SIL1: variants seen among roughly 807,000 people sequenced by gnomAD.
SIL1 encodes the protein nucleotide exchange factor SIL1.
A neutral mutation model predicts 49.1 loss-of-function variants in SIL1; 40 were observed. The observed-to-expected ratio is 0.81, with a 90% confidence interval of 0.63 to 1.06. The LOEUF (loss-of-function observed/expected upper bound fraction) is 1.06, where lower values mean the gene tolerates loss of function less well. SIL1 is among the 50% of genes least tolerant of loss of function. The pLI, the probability that SIL1 is intolerant of heterozygous loss-of-function variation, is 0.00. For missense variants in SIL1, 500 were observed against 572.6 expected (o/e 0.87, Z 1.29); for synonymous variants, 253 against 250.8 (o/e 1.01, Z -0.08).
At chr5:139,104,486 C>A (rs2151784323) in intron 3 of SIL1, among the ~76,000 whole-genome samples, 1 of 152,306 alleles carries the variant, frequency 6.6e-6, no homozygotes. Flanking sequence ...CAAAGTTTAA[C>A]CAAAGTCTTC....
intron 1 of SIL1, among the ~76,000 whole-genome samples, chr5:139,152,749 G>A (rs1189827384): frequency 1.3e-5 from 2 of 151,964 alleles, no homozygotes; most frequent in Non-Finnish European, 2.9e-5. Flanking sequence ...TCAGAATAAA[G>A]GCCAAATTCC....
At chr5:139,029,196 T>C (rs1673463663) in intron 5 of SIL1, among the ~76,000 whole-genome samples, 1 of 152,206 alleles carries the variant, frequency 6.6e-6, no homozygotes, top group South Asian at 2.1e-4. Context: ...GTGGTAACTT[T>C]GGCAATGAAA....
rs1055243972 is a variant in SIL1, at chr5:139,131,547, A to C, written c.-10-3694T>G. The C allele has an allele frequency of 7.9e-5, 12 of 152,218 alleles. 1 individual carries two copies. The highest frequency in any genetic ancestry group is 2.4e-4 in the African/African-American group (10 of 41,446). The allele number at this position is 152,218 out of a possible 1,614,324, so 9.4% of individuals were successfully genotyped here. ...TGGAAAAGCAAAGGCTCGGGTACTA[A>C]AAATAGCTGCTACACTCACCCAGCA... On this transcript the variant is annotated intron_variant, in intron 1 of 9. Transcript: ENST00000394817.
At chr5:139,191,003 G>A (rs536352783) in intron 1 of SIL1, among the ~76,000 whole-genome samples, 8 of 151,930 alleles carry the variant, frequency 5.3e-5, no homozygotes, top group Admixed American at 1.3e-4. Context: ...AGACCGGGGT[G>A]AGCAGATTAC....
intron 1 of SIL1, among the ~76,000 whole-genome samples, chr5:139,139,875 T>A (rs759266647): frequency 4.6e-5 from 7 of 152,072 alleles, no homozygotes; most frequent in Admixed American, 1.3e-4. Context: ...ACACCTGTAA[T>A]CCCAAAACTT....
At chr5:138,959,169 T>C (rs940108463) in intron 7 of SIL1, among the ~76,000 whole-genome samples, 2 of 152,210 alleles carry the variant, frequency 1.3e-5, no homozygotes, top group African/African-American at 2.4e-5. Flanking sequence ...CAAGGAACAA[T>C]TGGAGCCCTT....
At chr5:139,150,887 C>T (rs1315936418) in intron 1 of SIL1, among the ~76,000 whole-genome samples, 1 of 152,116 alleles carries the variant, frequency 6.6e-6, no homozygotes, top group African/African-American at 2.4e-5. Context: ...CTCCCCACAG[C>T]CCCACCACTC....
chr5:139,188,823 T>C (rs1752119212), intron 1 of SIL1, among the ~76,000 whole-genome samples: 1 of 152,136 alleles, frequency 6.6e-6, no homozygotes, highest in South Asian at 2.1e-4. Flanking sequence ...CCTACCCCAA[T>C]AAAATCCCCT....
intron 3 of SIL1, among the ~76,000 whole-genome samples, chr5:139,074,264 C>T (rs1276489938): frequency 3.3e-5 from 5 of 152,108 alleles, no homozygotes; most frequent in African/African-American, 1.2e-4. Context: ...ACTATGTTTC[C>T]CAGGCTGGTC....
chr5:139,081,353 C>CA (rs1357044956), intron 3 of SIL1, among the ~76,000 whole-genome samples: 1 of 152,218 alleles, frequency 6.6e-6, no homozygotes, highest in Admixed American at 6.5e-5. Context: ...CTTCTGGACT[C>CA]AAGCCATCCT....
intron 1 of SIL1, among the ~76,000 whole-genome samples, chr5:139,191,221 CAAAAAAAAAAA>C (rs773259762): frequency 2.0e-3 from 136 of 67,918 alleles, no homozygotes; most frequent in Middle Eastern, 8.6e-3. Flanking sequence ...GACTCTGTCT[CAAAAAAAAAAA>C]AAAAAAAAAA....
At chr5:139,082,531 C>T (rs1203922379) in intron 3 of SIL1, among the ~76,000 whole-genome samples, 2 of 152,160 alleles carry the variant, frequency 1.3e-5, no homozygotes, top group African/African-American at 4.8e-5. Context: ...TGGAAGCCCC[C>T]GCAAAGCAGA....
intron 5 of SIL1, among the ~76,000 whole-genome samples, chr5:139,039,106 T>C (rs1344562758): frequency 2.0e-5 from 3 of 152,160 alleles, no homozygotes; most frequent in South Asian, 2.1e-4. Flanking sequence ...AGAGTATCCA[T>C]TGGGCAGAGG....
intron 3 of SIL1, among the ~76,000 whole-genome samples, chr5:139,059,916 A>G (rs1325710375): frequency 2.0e-5 from 3 of 152,222 alleles, no homozygotes; most frequent in Admixed American, 2.0e-4. Context: ...CTAGTATACA[A>G]ATAAACTAGT....
chr5:139,011,430 G>C, intron 7 of SIL1, among the ~76,000 whole-genome samples: 1 of 152,182 alleles, frequency 6.6e-6, no homozygotes, highest in African/African-American at 2.4e-5. Context: ...CTTCTGCGTC[G>C]GTCACGCTGG....
At chr5:139,152,500 A>G (rs1751324019) in intron 1 of SIL1, among the ~76,000 whole-genome samples, 1 of 151,892 alleles carries the variant, frequency 6.6e-6, no homozygotes, top group Admixed American at 6.6e-5. Flanking sequence ...GGGTGCCTGT[A>G]ATCCCAGCTA....
At chr5:139,160,628 T>A (rs1042809932) in intron 1 of SIL1, among the ~76,000 whole-genome samples, 13 of 151,524 alleles carry the variant, frequency 8.6e-5, no homozygotes, top group Non-Finnish European at 1.3e-4. Context: ...CACCTGAGGT[T>A]AGGAGTTGGA....
At chr5:138,975,075 T>A (rs1010530203) in intron 7 of SIL1, among the ~76,000 whole-genome samples, 1 of 152,198 alleles carries the variant, frequency 6.6e-6, no homozygotes, top group Admixed American at 6.5e-5. Context: ...ACACAAGACA[T>A]AAAACTGTAA....
chr5:139,143,340 C>CATATATATATATATATATATATAT (rs1398396877), intron 1 of SIL1, among the ~76,000 whole-genome samples: 2 of 85,158 alleles, frequency 2.3e-5, no homozygotes, highest in African/African-American at 1.4e-4. Flanking sequence ...CACACACACA[C>CATATATATATATATATATATATAT]ACACATATAT....
Sources: gnomAD v4.1 joint callset for allele counts (sites outside exome capture counted in the v4.1 genomes callset) on GRCh38, gnomAD v4.1.1 for gene constraint, MANE v1.5 for transcripts, NCBI Gene and HGNC (gene_info 2026-07-23, HGNC 2026-07-21) for gene names.